EEF2K: variants seen among roughly 807,000 people sequenced by gnomAD.
EEF2K encodes the protein alternative protein EEF2K.
EEF2K carries 70 observed loss-of-function variants against 93.8 expected under a neutral mutation model. That is an observed-to-expected ratio of 0.75 (90% confidence interval 0.62 to 0.91). EEF2K has a LOEUF of 0.91. Ranked by LOEUF, EEF2K falls within the 40% of genes least tolerant of loss-of-function variation. EEF2K has a pLI of 0.00. For missense variants in EEF2K, 935 were observed against 972.9 expected (o/e 0.96, Z 0.52); for synonymous variants, 376 against 380.8 (o/e 0.99, Z 0.15).
intron 14 of EEF2K, 49 bp downstream of exon 14, chr16:22,266,573 C>T (rs1173986484): frequency 1.2e-6 from 2 of 1,607,406 alleles, no homozygotes; most frequent in South Asian, 2.2e-5. Context: ...ACCTGGAGCC[C>T]CCCAGCTCCA....
intron 2 of EEF2K, among the ~76,000 whole-genome samples, chr16:22,230,694 A>T (rs1004430534): frequency 2.6e-5 from 4 of 151,992 alleles, no homozygotes; most frequent in Admixed American, 6.6e-5. Context: ...GCTGATTTTT[A>T]AAAAAATTTT....
intron 1 of EEF2K, among the ~76,000 whole-genome samples, chr16:22,222,897 T>TAGG (rs2047028424): frequency 2.4e-5 from 3 of 125,096 alleles, no homozygotes; most frequent in Admixed American, 2.4e-4. Flanking sequence ...AGATAGATAG[T>TAGG]ACAATTCAAT....
intron 17 of EEF2K, 52 bp downstream of exon 17, chr16:22,280,428 A>G (rs567970892): frequency 1.4e-6 from 2 of 1,380,454 alleles, no homozygotes; most frequent in Admixed American, 3.0e-5. Flanking sequence ...GGCAGGGAGG[A>G]ACCTAATTTC....
intron 3 of EEF2K, among the ~76,000 whole-genome samples, chr16:22,247,176 A>C (rs1285817780): frequency 6.6e-6 from 1 of 150,814 alleles, no homozygotes; most frequent in Non-Finnish European, 1.5e-5. Context: ...CGCAGTGGCT[A>C]ACGCCTGTAA....
At chr16:22,272,664 T>A in intron 15 of EEF2K, among the ~76,000 whole-genome samples, 1 of 147,110 alleles carries the variant, frequency 6.8e-6, no homozygotes, top group East Asian at 1.9e-4. Flanking sequence ...ACTACGGATG[T>A]GTACTTTTTT....
chr16:22,257,827 C>A, intron 9 of EEF2K, 57 bp downstream of exon 9: 1 of 1,592,746 alleles, frequency 6.3e-7, no homozygotes, highest in South Asian at 1.1e-5. Flanking sequence ...ACTTGCAAAG[C>A]AAGCCCTGCT....
chr16:22,265,836 G>A (rs9928362), intron 13 of EEF2K, among the ~76,000 whole-genome samples: 3,211 of 152,280 alleles, frequency 0.021, 124 homozygotes, highest in African/African-American at 0.072. Context: ...TGCTCATGTC[G>A]TTGTGGTGCC....
In EEF2K at chr16:22,227,218, A is replaced by G. The variant is rs1022306218; in HGVS notation, c.246+1243A>G. Among the ~76,000 whole-genome samples the G allele has an allele frequency of 2.6e-5, 4 of 152,272 alleles. No individual in the cohort carries two copies. The East Asian group carries it at 7.7e-4, about 29-fold the overall frequency. ...CCTTCTCAAAAAATTAAAATAAAAT[A>G]AATACATTTATTATTCATTTTATTT... On this transcript the variant is annotated intron_variant, in intron 2 of 17. Coordinates refer to ENST00000263026, the MANE Select transcript of EEF2K (RefSeq NM_013302.5).
chr16:22,213,925 T>G (rs2046937301), intron 1 of EEF2K, among the ~76,000 whole-genome samples: 1 of 152,228 alleles, frequency 6.6e-6, no homozygotes, highest in Non-Finnish European at 1.5e-5. Context: ...CTTAATCACA[T>G]CTGCAAAGTC....
chr16:22,257,662 C>G lies in EEF2K; in HGVS notation c.921C>G (p.Leu307=), dbSNP rs780243922. The change falls in exon 9 of 18, where the codon CTC becomes CTG. Residue 307 remains leucine (L), a synonymous_variant. Coordinates refer to ENST00000263026, the MANE Select transcript of EEF2K (RefSeq NM_013302.5). ...DGNLGVRGMA[L]FFYSHACNRI... is the part of the protein sequence containing the mutation. ...CCACAGGTGTCCGCGGGATGGCGCT[C>G]TTCTTCTACTCTCATGCCTGCAACC... 1.9e-6 allele frequency: 3 copies of G among 1,613,414 alleles called. No individual in the cohort carries two copies. The highest frequency in any genetic ancestry group is 2.5e-6 in the Non-Finnish European group (3 of 1,179,850).
chr16:22,248,041 ATTTATTTTTATT>A (rs71879005), intron 3 of EEF2K, among the ~76,000 whole-genome samples: 20 of 150,380 alleles, frequency 1.3e-4, no homozygotes, highest in East Asian at 4.0e-4. Context: ...TTATGTATGT[ATTTATTTTTATT>A]TTTATTTTTA....
intron 3 of EEF2K, 75 bp from the exon 4 acceptor site, chr16:22,248,680 G>T: frequency 6.3e-7 from 1 of 1,579,528 alleles, no homozygotes; most frequent in Non-Finnish European, 8.7e-7. Context: ...GCCCAGAAGG[G>T]TCTTTGACCT....
In EEF2K at chr16:22,248,747, C is replaced by A. The variant is rs2047319466; in HGVS notation, c.348-8C>A. 1 of 1,613,682 alleles carries A rather than the reference C, an allele frequency of 6.2e-7. No homozygotes were observed. The highest frequency in any genetic ancestry group is 1.7e-5 in the Admixed American group (1 of 59,968). ...ACGCTGTGCCCCATGGTGGATGGGT[C>A]TCTGCAGGTACAACGCCGTCACCGG... On this transcript the variant is annotated splice_region_variant and splice_polypyrimidine_tract_variant and intron_variant, in intron 3 of 17. Coordinates refer to ENST00000263026, the MANE Select transcript of EEF2K (RefSeq NM_013302.5).
In EEF2K at chr16:22,286,137, C is replaced by T. The variant is rs1298919637; in HGVS notation, c.*2141C>T. ...TTGGACCACCCATAAATGACAGTGACTTTTTCAATATGGACTCATCATAGC... is the reference window on the plus strand; with the variant it reads ...TTGGACCACCCATAAATGACAGTGATTTTTTCAATATGGACTCATCATAGC... On this transcript the variant is annotated 3_prime_UTR_variant, in exon 18 of 18. Coordinates refer to ENST00000263026, the MANE Select transcript of EEF2K (RefSeq NM_013302.5). 2.6e-5 allele frequency: 4 copies of T among 152,158 alleles called. No individual in the cohort carries two copies. Among genetic ancestry groups the T allele is most frequent in the Non-Finnish European group, 5.9e-5 (4 of 68,042 alleles). The allele number at this position is 152,158 out of a possible 1,614,324, so 9.4% of individuals were successfully genotyped here.
chr16:22,250,399 C>T (rs529528134), intron 4 of EEF2K, among the ~76,000 whole-genome samples: 10 of 152,266 alleles, frequency 6.6e-5, no homozygotes, highest in Middle Eastern at 3.4e-3. Flanking sequence ...CCCCCATCAT[C>T]CTGCCCCCGT....
intron 11 of EEF2K, among the ~76,000 whole-genome samples, chr16:22,261,263 T>C (rs540836357): frequency 2.4e-4 from 37 of 152,130 alleles, no homozygotes; most frequent in Non-Finnish European, 7.4e-5. Flanking sequence ...TAGTCCCAGC[T>C]ACTCAGGAGG....
rs1343047213 is a variant in EEF2K at position 22,286,628 on chromosome 16, C to T, written c.*2632C>T. The T allele has an allele frequency of 6.6e-6, 1 of 152,234 alleles. No homozygotes were observed. The highest frequency in any genetic ancestry group is 1.5e-5 in the Non-Finnish European group (1 of 68,042). The allele number at this position is 152,234 out of a possible 1,614,324, so 9.4% of individuals were successfully genotyped here. A position where few individuals can be genotyped will look rare whatever the true frequency, so the allele number is the denominator to read the frequency against. ...TGGTGTTCCAATAAAACTTTATTTA[C>T]ACAAACGGGTGGCCCTTTTGGGCTG... On this transcript the variant is annotated 3_prime_UTR_variant, in exon 18 of 18. Coordinates refer to ENST00000263026, the MANE Select transcript of EEF2K (RefSeq NM_013302.5).
At chr16:22,268,333 C>T (rs753443490) in intron 15 of EEF2K, among the ~76,000 whole-genome samples, 113 of 152,070 alleles carry the variant, frequency 7.4e-4, no homozygotes, top group Non-Finnish European at 8.8e-4. Flanking sequence ...TGCCTGCCAC[C>T]GCACCCAGCT....
chr16:22,249,672 A>T (rs1358235394), intron 4 of EEF2K, among the ~76,000 whole-genome samples: 1 of 151,710 alleles, frequency 6.6e-6, no homozygotes, highest in Non-Finnish European at 1.5e-5. Flanking sequence ...GGGGTACATG[A>T]TCTTGCCTTA....
Sources: gnomAD v4.1 joint callset for allele counts (sites outside exome capture counted in the v4.1 genomes callset) on GRCh38, gnomAD v4.1.1 for gene constraint, MANE v1.5 for transcripts, NCBI Gene and HGNC (gene_info 2026-07-23, HGNC 2026-07-21) for gene names.